Variants in HUWE1 observed in about 807,000 individuals in gnomAD.
HUWE1 encodes E3 ubiquitin-protein ligase HUWE1.
A neutral mutation model predicts 299.4 loss-of-function variants in HUWE1; 18 were observed. The observed-to-expected ratio is 0.06, with a 90% CI of 0.04 to 0.09. HUWE1 has a LOEUF of 0.09. HUWE1 is among the 10% of genes least tolerant of loss of function. The probability of loss-of-function intolerance (pLI) is 1.00; values close to 1 mark genes in which losing one functional copy is unlikely to be tolerated. For synonymous variants in HUWE1, 1,317 were observed against 1,286.1 expected, an observed-to-expected ratio of 1.02 and a Z score of -0.51; for missense variants, 1,832 against 3,462.3, an observed-to-expected ratio of 0.53 and a Z score of 11.82.
rs1232928545 is a variant in HUWE1 at position 53,576,983 on chromosome X, G to A, written c.5801C>T (p.Pro1934Leu). Residue 1934 changes from proline (P) to leucine (L), a missense_variant, in exon 44 of 84, where the codon CCT becomes CTT. Transcript: ENST00000262854. ...LVKTTPLKPSPLPVIPDTIKE... is the reference protein window; with the variant it reads ...LVKTTPLKPSLLPVIPDTIKE... ...GATAGTATCAGGGATGACAGGCAGA[G>A]GTGAGGGCTTCAAAGGGGTGGTCTT... 1 of 1,203,183 alleles carries A rather than the reference G, an allele frequency of 8.3e-7. No homozygotes were observed.
At chrX:53,664,271 C>T (rs1456291045) in intron 3 of HUWE1, among the ~76,000 whole-genome samples, 1 of 111,559 alleles carries the variant, frequency 9.0e-6, no homozygotes, top group Admixed American at 9.5e-5. Flanking sequence ...AGGGTGGTCT[C>T]GAAGTCCTGA....
chrX:53,650,175 G>C (rs185202918), intron 4 of HUWE1, among the ~76,000 whole-genome samples: 1 of 112,320 alleles, frequency 8.9e-6, no homozygotes, highest in Admixed American at 9.4e-5. Flanking sequence ...AAATGTGTTA[G>C]AGGTTATCCA....
intron 7 of HUWE1, among the ~76,000 whole-genome samples, chrX:53,635,071 C>G (rs1166140202): frequency 9.1e-6 from 1 of 109,952 alleles, no homozygotes; most frequent in Non-Finnish European, 1.9e-5. Context: ...TATATATCTC[C>G]CTGCCTCATG....
intron 42 of HUWE1, among the ~76,000 whole-genome samples, chrX:53,583,327 G>GA (rs1312076583): frequency 4.8e-4 from 52 of 107,351 alleles, no homozygotes; most frequent in Non-Finnish European, 8.7e-4. Flanking sequence ...AAGAAAAAAA[G>GA]AAAAAAAAGA....
intron 19 of HUWE1, among the ~76,000 whole-genome samples, chrX:53,623,301 C>T (rs1557013863): frequency 2.7e-5 from 3 of 111,393 alleles, no homozygotes; most frequent in Non-Finnish European, 5.7e-5. Context: ...TGGACTTTCT[C>T]CCAGAAGACG....
At chrX:53,623,906 T>C (rs1481067865) in intron 19 of HUWE1, among the ~76,000 whole-genome samples, 2 of 112,310 alleles carry the variant, frequency 1.8e-5, no homozygotes, top group Non-Finnish European at 3.8e-5. Flanking sequence ...AAGGAGACTT[T>C]CCCTATTTCC....
intron 2 of HUWE1, among the ~76,000 whole-genome samples, chrX:53,682,501 G>A (rs1257830088): frequency 9.0e-6 from 1 of 111,187 alleles, no homozygotes; most frequent in African/African-American, 3.3e-5. Context: ...TATAGTAACG[G>A]TGGCATGGGG....
chrX:53,566,131 GTGTA>G (rs1163924481), intron 49 of HUWE1, among the ~76,000 whole-genome samples: 4 of 55,499 alleles, frequency 7.2e-5, no homozygotes, highest in African/African-American at 2.4e-4. Flanking sequence ...GTGTGTGTGT[GTGTA>G]TATATATATA....
At chrX:53,550,038 CACG>C (rs1490285855) in intron 66 of HUWE1, among the ~76,000 whole-genome samples, 5 of 110,974 alleles carry the variant, frequency 4.5e-5, no homozygotes, top group African/African-American at 1.6e-4. Context: ...AGGTGTGAGC[CACG>C]ACAACTGGCC....
chrX:53,631,354 T>C, intron 11 of HUWE1, 60 bp downstream of exon 11: 6 of 901,779 alleles, frequency 6.7e-6, no homozygotes, highest in Non-Finnish European at 9.7e-6. Flanking sequence ...CCCCAGTACA[T>C]ATCATTAATC....
At chrX:53,614,030 C>T (rs1412849539) in intron 23 of HUWE1, among the ~76,000 whole-genome samples, 2 of 111,808 alleles carry the variant, frequency 1.8e-5, no homozygotes, top group Admixed American at 9.5e-5. Context: ...TTTGGGAAGC[C>T]GAGGTGGGTA....
chrX:53,658,727 C>CCT (rs1239141115), intron 3 of HUWE1, among the ~76,000 whole-genome samples: 2 of 111,806 alleles, frequency 1.8e-5, no homozygotes, highest in Non-Finnish European at 3.8e-5. Context: ...GGATCACAGA[C>CCT]CTAAATGTAA....
At chrX:53,544,503 G>A in intron 72 of HUWE1, 57 bp downstream of exon 72, 1 of 989,510 alleles carries the variant, frequency 1.0e-6, no homozygotes, top group Non-Finnish European at 1.4e-6. Flanking sequence ...CACCTCCAAG[G>A]AATCTGGCTT....
intron 29 of HUWE1, among the ~76,000 whole-genome samples, chrX:53,595,800 A>G (rs1361912884): frequency 8.9e-6 from 1 of 112,250 alleles, no homozygotes; most frequent in Non-Finnish European, 1.9e-5. Flanking sequence ...GACAATATAC[A>G]TAGTCTGATC....
At chrX:53,578,250 C>T (rs1306772013) in intron 43 of HUWE1, among the ~76,000 whole-genome samples, 2 of 97,767 alleles carry the variant, frequency 2.0e-5, no homozygotes, top group Admixed American at 2.1e-4. Context: ...TCTGCCCGGC[C>T]GCCGCCCCGT....
At chrX:53,581,187 T>TA (rs1362864178) in intron 42 of HUWE1, among the ~76,000 whole-genome samples, 161 bp from the exon 43 acceptor site, 6 of 112,357 alleles carry the variant, frequency 5.3e-5, no homozygotes, top group African/African-American at 1.9e-4. Context: ...ACCTGGCTTA[T>TA]AAAAAAGTTG....
intron 3 of HUWE1, among the ~76,000 whole-genome samples, chrX:53,656,426 C>T (rs1458627939): frequency 9.5e-6 from 1 of 105,505 alleles, no homozygotes; most frequent in Non-Finnish European, 1.9e-5. Context: ...CCTGTAGTCC[C>T]AGCTACTCAG....
At chrX:53,601,920 C>A (rs1171692921) in intron 28 of HUWE1, among the ~76,000 whole-genome samples, 1 of 110,947 alleles carries the variant, frequency 9.0e-6, no homozygotes, top group Non-Finnish European at 1.9e-5. Flanking sequence ...CCACCCGCCT[C>A]AGCCTCCCAA....
At chrX:53,537,493 T>C in intron 78 of HUWE1, 63 bp downstream of exon 78, 1 of 1,140,205 alleles carries the variant, frequency 8.8e-7, no homozygotes, top group South Asian at 1.9e-5. Flanking sequence ...GAGCAAGCCA[T>C]CGCTACTGTG....
Sources: allele counts gnomAD v4.1 joint callset (sites outside exome capture counted in the v4.1 genomes callset), GRCh38; gene constraint gnomAD v4.1.1; transcripts MANE v1.5; gene names NCBI Gene and HGNC (gene_info 2026-07-23, HGNC 2026-07-21).